MARK1: variants seen among roughly 807,000 people sequenced by gnomAD.
MARK1 encodes the protein serine/threonine-protein kinase MARK1.
A neutral mutation model predicts 96.3 loss-of-function variants in MARK1; 40 were observed. The ratio of observed to expected loss-of-function variants is 0.42; its 90% CI spans 0.32 to 0.54. The LOEUF (loss-of-function observed/expected upper bound fraction) is 0.54. Among genes scored for constraint, MARK1 ranks in the 20% least tolerant of loss-of-function variants. The probability of loss-of-function intolerance (pLI) is 0.16; values close to 1 mark genes in which losing one functional copy is unlikely to be tolerated. For synonymous variants in MARK1, 317 were observed against 341.2 expected (o/e 0.93, Z 0.78); for missense variants, 719 against 984.6 (o/e 0.73, Z 3.61).
intron 6 of MARK1, among the ~76,000 whole-genome samples, chr1:220,605,874 A>G (rs553595599): frequency 1.3e-5 from 2 of 152,298 alleles, no homozygotes; most frequent in East Asian, 3.9e-4. Context: ...GTAGTATTCC[A>G]TGGTGTATAT....
At chr1:220,649,245 A>AC (rs1668742683) in intron 13 of MARK1, among the ~76,000 whole-genome samples, 1 of 143,960 alleles carries the variant, frequency 6.9e-6, no homozygotes, top group African/African-American at 2.7e-5. Context: ...TTTTTGGGGG[A>AC]CAGGATTTCA....
At chr1:220,605,782 G>A (rs554811941) in intron 6 of MARK1, among the ~76,000 whole-genome samples, 2 of 150,362 alleles carry the variant, frequency 1.3e-5, no homozygotes, top group South Asian at 4.2e-4. Flanking sequence ...TTCTGTCCTT[G>A]TGATAGTTTG....
At chr1:220,579,048 G>A (rs573648662) in intron 1 of MARK1, among the ~76,000 whole-genome samples, 31 of 152,030 alleles carry the variant, frequency 2.0e-4, no homozygotes, top group African/African-American at 7.2e-4. Context: ...CACTGTTTTG[G>A]CGAGGCTGGT....
intron 1 of MARK1, among the ~76,000 whole-genome samples, chr1:220,549,915 T>C (rs1661748959): frequency 6.6e-6 from 1 of 152,206 alleles, no homozygotes; most frequent in South Asian, 2.1e-4. Flanking sequence ...AGATGTTCAG[T>C]AATGGTATCA....
chr1:220,659,597 T>C (rs535914452), intron 17 of MARK1, among the ~76,000 whole-genome samples: 2 of 152,334 alleles, frequency 1.3e-5, no homozygotes, highest in East Asian at 3.9e-4. Flanking sequence ...GCTGTTATTA[T>C]ATTAATATCC....
intron 3 of MARK1, among the ~76,000 whole-genome samples, chr1:220,591,976 A>G (rs1665016068): frequency 6.6e-6 from 1 of 151,904 alleles, no homozygotes; most frequent in Non-Finnish European, 1.5e-5. Flanking sequence ...GCAGTCTAGC[A>G]GCTTTTATCT....
intron 10 of MARK1, among the ~76,000 whole-genome samples, chr1:220,631,847 T>C (rs1435426254): frequency 6.6e-6 from 1 of 152,184 alleles, no homozygotes; most frequent in Non-Finnish European, 1.5e-5. Context: ...ACTTCACTAG[T>C]AGCTGAGGAC....
intron 1 of MARK1, among the ~76,000 whole-genome samples, chr1:220,540,299 A>C (rs1054754190): frequency 1.3e-5 from 2 of 152,224 alleles, no homozygotes; most frequent in African/African-American, 4.8e-5. Context: ...AGTAGCTCTA[A>C]TGCCTGCAAG....
intron 1 of MARK1, among the ~76,000 whole-genome samples, chr1:220,564,135 A>G (rs1290662402): frequency 6.6e-6 from 1 of 152,202 alleles, no homozygotes; most frequent in Non-Finnish European, 1.5e-5. Flanking sequence ...TAGCCTGTGG[A>G]TTTAATTTCT....
chr1:220,547,005 G>A (rs1202688535), intron 1 of MARK1, among the ~76,000 whole-genome samples: 1 of 150,904 alleles, frequency 6.6e-6, no homozygotes, highest in Non-Finnish European at 1.5e-5. Flanking sequence ...GAAAAGAAAA[G>A]AAAAGCAACT....
In MARK1 at chr1:220,528,824, TGTC is replaced by T; in HGVS notation, c.4_6del (p.Ser2?). On this transcript the variant is annotated start_lost and inframe_deletion, in exon 1 of 18. Coordinates refer to ENST00000366917, the MANE Select transcript of MARK1 (RefSeq NM_018650.5). ...GCCAGACCCCGCTGCCCGCACAAAA[TGTC>T]GGCCCGGACGCCATTGCCGACGGTG... 6.4e-7 allele frequency: 1 copy of T among 1,559,070 alleles called. No homozygotes were observed. Among genetic ancestry groups the T allele is most frequent in the Non-Finnish European group, 8.7e-7 (1 of 1,151,468 alleles).
chr1:220,647,482 TGGTG>T (rs1206031053), intron 13 of MARK1, among the ~76,000 whole-genome samples: 3 of 152,178 alleles, frequency 2.0e-5, no homozygotes, highest in Non-Finnish European at 2.9e-5. Flanking sequence ...GAAGACAGGG[TGGTG>T]ATTCCTCAAA....
At chr1:220,661,721 A>G (rs1460816365) in intron 17 of MARK1, 91 bp from the exon 18 acceptor site, 1 of 952,610 alleles carries the variant, frequency 1.0e-6, no homozygotes, top group Non-Finnish European at 1.6e-6. Flanking sequence ...TTAGGCACTG[A>G]ACTATGACCA....
chr1:220,639,254 G>T (rs374499073), intron 13 of MARK1, among the ~76,000 whole-genome samples: 2 of 151,524 alleles, frequency 1.3e-5, no homozygotes, highest in East Asian at 3.9e-4. Context: ...CAGAGTGAGA[G>T]ACCCTGTCAA....
At chr1:220,583,814 A>ATTTTTTTTTTTTTTTTTT (rs34848222) in intron 3 of MARK1, among the ~76,000 whole-genome samples, 4 of 105,208 alleles carry the variant, frequency 3.8e-5, no homozygotes, top group Non-Finnish European at 7.4e-5. Flanking sequence ...TGCCTGGCTA[A>ATTTTTTTTTTTTTTTTTT]TTTTTTTTTT....
At chr1:220,539,326 T>A (rs1029663489) in intron 1 of MARK1, among the ~76,000 whole-genome samples, 15 of 152,212 alleles carry the variant, frequency 9.9e-5, no homozygotes, top group African/African-American at 3.6e-4. Context: ...ATTGAGATAA[T>A]CATGTGGTTT....
At chr1:220,582,560 T>C (rs1448788821) in intron 3 of MARK1, among the ~76,000 whole-genome samples, 1 of 100,802 alleles carries the variant, frequency 9.9e-6, no homozygotes, top group Non-Finnish European at 2.6e-5. Context: ...CTGGATTTAG[T>C]TGTGGGTTAC....
At chr1:220,643,947 C>A (rs1293532428) in intron 13 of MARK1, among the ~76,000 whole-genome samples, 2 of 152,136 alleles carry the variant, frequency 1.3e-5, no homozygotes, top group Admixed American at 1.3e-4. Flanking sequence ...AAATTTGTTA[C>A]CAGCCATTAC....
chr1:220,658,284 C>G (rs930602399), intron 17 of MARK1, among the ~76,000 whole-genome samples: 1 of 152,112 alleles, frequency 6.6e-6, no homozygotes, highest in Non-Finnish European at 1.5e-5. Context: ...TCCAGGCATA[C>G]TTTTGGGGAT....
Sources: gnomAD v4.1 joint callset for allele counts (sites outside exome capture counted in the v4.1 genomes callset) on GRCh38, gnomAD v4.1.1 for gene constraint, MANE v1.5 for transcripts, NCBI Gene and HGNC (gene_info 2026-07-23, HGNC 2026-07-21) for gene names.